Variants in ZNF428 observed in about 807,000 individuals in gnomAD.
ZNF428 encodes the protein enzyme-like protein PIT13.
A neutral mutation model predicts 15.6 loss-of-function variants in ZNF428; 5 were observed. The ratio of observed to expected loss-of-function variants is 0.32; its 90% CI spans 0.17 to 0.67. The LOEUF (loss-of-function observed/expected upper bound fraction) is 0.67, where lower values mean the gene tolerates loss of function less well. Among genes scored for constraint, ZNF428 ranks in the 30% least tolerant of loss-of-function variants. ZNF428 has a pLI of 0.73. For synonymous variants in ZNF428, 97 were observed against 102.2 expected (o/e 0.95, Z 0.31); for missense variants, 237 against 256.0 (o/e 0.93, Z 0.51).
chr19:43,609,742 C>CAAA (rs113961553), intron 2 of ZNF428, among the ~76,000 whole-genome samples: 1 of 129,942 alleles, frequency 7.7e-6, no homozygotes, highest in African/African-American at 2.8e-5. Context: ...ACTCCGTTCC[C>CAAA]AAAAAAAAAA....
intron 2 of ZNF428, 109 bp from the exon 3 acceptor site, chr19:43,608,216 A>G: frequency 6.9e-7 from 1 of 1,446,036 alleles, no homozygotes; most frequent in Non-Finnish European, 9.3e-7. Flanking sequence ...TATGACAAGG[A>G]TAGCCTAGAC....
At chr19:43,619,243 G>C (rs922548590) in intron 1 of ZNF428, among the ~76,000 whole-genome samples, 82 of 152,298 alleles carry the variant, frequency 5.4e-4, no homozygotes, top group African/African-American at 1.8e-3. Flanking sequence ...AGCGCTCCAA[G>C]CCTCCAGGAC....
chr19:43,612,899 AC>A lies in ZNF428; in HGVS notation c.76+1329del. ...CAGTAGGGAAAAGAGTTACAGCCCC[AC>A]TGAAATGTCCAGCAGGGTCAAGAGT... On this transcript the variant is annotated intron_variant, in intron 2 of 2. Transcript: ENST00000300811. The surrounding 1 kb of genome is among the most constrained non-coding windows in gnomAD (Gnocchi z 4.2). 14 of 1,551,652 alleles carry A rather than the reference AC, an allele frequency of 9.0e-6. No homozygotes were observed. Among genetic ancestry groups the A allele is most frequent in the Non-Finnish European group, 1.2e-5 (14 of 1,146,996 alleles).
In ZNF428 at chr19:43,614,258, A is replaced by C; in HGVS notation, c.47T>G (p.Leu16Trp). 1.2e-6 allele frequency: 2 copies of C among 1,613,946 alleles called. No individual in the cohort carries two copies. Among genetic ancestry groups the C allele is most frequent in the Non-Finnish European group, 1.7e-6 (2 of 1,179,858 alleles). ...GGAAAGGTCTTCATCATCTTCTTCC[A>C]AGCTGGCGTAGCCCCCAGTCTCAGC... ...EPAETGGYAS[L>W]EEDDEDLSPG... The change falls in exon 2 of 3, where the codon TTG becomes TGG. Residue 16 changes from leucine (L) to tryptophan (W), a missense_variant. Leu to Trp is a moderately conservative substitution (Grantham distance 61). Coordinates refer to ENST00000300811, the MANE Select transcript of ZNF428 (RefSeq NM_182498.4).
chr19:43,614,566 T>G, intron 1 of ZNF428, 132 bp from the exon 2 acceptor site: 1 of 758,794 alleles, frequency 1.3e-6, no homozygotes, highest in Non-Finnish European at 1.9e-6. Context: ...CCTGACTGTC[T>G]ACAGGGTCTT....
At chr19:43,609,860 A>G (rs1179610539) in intron 2 of ZNF428, among the ~76,000 whole-genome samples, 2 of 152,080 alleles carry the variant, frequency 1.3e-5, no homozygotes, top group Non-Finnish European at 2.9e-5. Flanking sequence ...CCCTGTGACC[A>G]CGGTGTGGGA....
intron 2 of ZNF428, among the ~76,000 whole-genome samples, chr19:43,611,760 C>T (rs1329957968): frequency 1.3e-5 from 2 of 152,242 alleles, no homozygotes; most frequent in African/African-American, 4.8e-5. Context: ...GCACTGCTCT[C>T]CATCACACCC....
Position 43,613,378 on chromosome 19 carries a change from CT to C in ZNF428, c.76+850del, listed in dbSNP as rs1973327087. The C allele has an allele frequency of 3.2e-6, 5 of 1,549,928 alleles. No individual in the cohort carries two copies. In the African/African-American group the frequency reaches 4.1e-5, roughly 13 times the overall value. On this transcript the variant is annotated intron_variant, in intron 2 of 2. Transcript: ENST00000300811. ...GAGATCGCAGCCGATCTAGAAGTCCCTACAAGGCGAGAGATCGCAGCCGATC... is the reference window on the plus strand; with the variant it reads ...GAGATCGCAGCCGATCTAGAAGTCCCACAAGGCGAGAGATCGCAGCCGATC...
chr19:43,610,143 T>C (rs540334329), intron 2 of ZNF428, among the ~76,000 whole-genome samples: 89 of 151,876 alleles, frequency 5.9e-4, no homozygotes, highest in Admixed American at 1.1e-3. Context: ...AGTGTCACCT[T>C]CTCAGTGACG....
At chr19:43,613,509 G>A (rs918489460) in intron 2 of ZNF428, 110 of 1,550,394 alleles carry the variant, frequency 7.1e-5, no homozygotes, top group Non-Finnish European at 8.3e-5. Context: ...GATCATAGCC[G>A]ATCTAGAAGT....
In ZNF428 at chr19:43,614,218, G is replaced by A; in HGVS notation, c.76+11C>T. ...GTCAAGCCGACGCCACCACCTCTAAGGCCACCTTACCTGGGGAAAGGTCTT... is the reference window on the plus strand; with the variant it reads ...GTCAAGCCGACGCCACCACCTCTAAAGCCACCTTACCTGGGGAAAGGTCTT... On this transcript the variant is annotated intron_variant, in intron 2 of 2. Coordinates refer to ENST00000300811, the MANE Select transcript of ZNF428 (RefSeq NM_182498.4). 1 of 1,614,204 alleles carries A rather than the reference G, an allele frequency of 6.2e-7. No individual in the cohort carries two copies. The highest frequency in any genetic ancestry group is 8.5e-7 in the Non-Finnish European group (1 of 1,180,036).
intron 1 of ZNF428, among the ~76,000 whole-genome samples, chr19:43,617,663 T>C (rs1313122207): frequency 6.6e-6 from 1 of 152,252 alleles, no homozygotes; most frequent in Non-Finnish European, 1.5e-5. Context: ...ATTGCCAGAT[T>C]TAGCAAATAA....
In ZNF428 at chr19:43,607,904, G is replaced by A. The variant is rs1244930010; in HGVS notation, c.280C>T (p.Gln94Ter). ...RAAQPPAQPC[Q>*]LCGRSPLGEA... ...CCAAGGGGTGAGCGGCCACAGAGCT[G>A]GCAAGGCTGGGCCGGGGGCTGGGCT... is the stretch of plus-strand genomic sequence containing the variant. Residue 94 changes from glutamine to a stop codon, truncating the protein, a stop_gained, in exon 3 of 3, where the codon CAG becomes TAG. Coordinates refer to ENST00000300811, the MANE Select transcript of ZNF428 (RefSeq NM_182498.4). LOFTEE classifies it high-confidence loss of function. The surrounding 1 kb of genome is among the most constrained non-coding windows in gnomAD (Gnocchi z 5.1). The A allele has an allele frequency of 1.3e-6, 2 of 1,564,438 alleles. No homozygotes were observed. Among genetic ancestry groups the A allele is most frequent in the Non-Finnish European group, 8.7e-7 (1 of 1,154,518 alleles).
Position 43,612,630 on chromosome 19 carries a change from G to C in ZNF428, c.76+1599C>G, listed in dbSNP as rs1280968825. ...ACTTCACAGCAAAAAGGGAGCCGGG[G>C]AAAGAGTTACGGCCGGCCTAGAACC... On this transcript the variant is annotated intron_variant, in intron 2 of 2. Transcript: ENST00000300811. This position sits in a 1 kb window ranked among gnomAD's most constrained non-coding sequence, Gnocchi z 4.2. The C allele has an allele frequency of 6.4e-7, 1 of 1,551,538 alleles. No individual in the cohort carries two copies. Among genetic ancestry groups the C allele is most frequent in the Non-Finnish European group, 8.7e-7 (1 of 1,146,986 alleles).
chr19:43,609,049 A>G (rs1973268840), intron 2 of ZNF428, among the ~76,000 whole-genome samples: 1 of 152,160 alleles, frequency 6.6e-6, no homozygotes, highest in Non-Finnish European at 1.5e-5. Context: ...AAGCCGGAGT[A>G]GTAAAAACCC....
At chr19:43,614,564 T>C in intron 1 of ZNF428, 130 bp from the exon 2 acceptor site, 1 of 777,482 alleles carries the variant, frequency 1.3e-6, no homozygotes, top group Non-Finnish European at 1.8e-6. Flanking sequence ...TCCCTGACTG[T>C]CTACAGGGTC....
At chr19:43,609,773 T>C (rs1042452925) in intron 2 of ZNF428, among the ~76,000 whole-genome samples, 1 of 151,548 alleles carries the variant, frequency 6.6e-6, no homozygotes, top group Non-Finnish European at 1.5e-5. Context: ...GAAAAATTTA[T>C]AGTTGATATA....
Position 43,612,462 on chromosome 19 carries a change from G to C in ZNF428, c.76+1767C>G, listed in dbSNP as rs149011418. On this transcript the variant is annotated intron_variant, in intron 2 of 2. Coordinates refer to ENST00000300811, the MANE Select transcript of ZNF428 (RefSeq NM_182498.4). This position sits in a 1 kb window ranked among gnomAD's most constrained non-coding sequence, Gnocchi z 4.2. ...GCCAGCGACGTGAGATGCCACCAGCGGAGGGGCACACACAGCCGGGGTAGG... is the reference window on the plus strand; with the variant it reads ...GCCAGCGACGTGAGATGCCACCAGCCGAGGGGCACACACAGCCGGGGTAGG... 1 of 1,551,472 alleles carries C rather than the reference G, an allele frequency of 6.4e-7. No homozygotes were observed. The highest frequency in any genetic ancestry group is 2.4e-5 in the East Asian group (1 of 40,900).
rs375757504 is a variant in ZNF428, at chr19:43,609,782, T to C, written c.77-1675A>G. Among the ~76,000 whole-genome samples, 12 of 151,608 alleles carry C rather than the reference T, an allele frequency of 7.9e-5. No individual in the cohort carries two copies. In the East Asian group the frequency reaches 1.2e-3, roughly 15 times the overall value. On this transcript the variant is annotated intron_variant, in intron 2 of 2. Transcript: ENST00000300811. ...AAAGGGGAAAAATTTATAGTTGATA[T>C]ACGGAAAAGGGCGACATCAGCTGCC...
Sources: gnomAD v4.1 joint callset for allele counts (sites outside exome capture counted in the v4.1 genomes callset) on GRCh38, gnomAD v4.1.1 for gene constraint, Gnocchi (gnomAD v3.1) non-coding constraint, MANE v1.5 for transcripts, NCBI Gene and HGNC (gene_info 2026-07-23, HGNC 2026-07-21) for gene names.